RBFOX1: variants seen among roughly 807,000 people sequenced by gnomAD.
The protein encoded by RBFOX1 is RNA binding fox-1 homolog 1, also known as RNA binding protein fox-1 homolog 1.
In RBFOX1, 8 loss-of-function variants were observed where a neutral mutation model predicts 57.7. That is an observed-to-expected ratio of 0.14 (90% CI 0.08 to 0.25). The LOEUF (loss-of-function observed/expected upper bound fraction) is 0.25, where lower values mean the gene tolerates loss of function less well. Ranked by LOEUF, RBFOX1 falls within the 10% of genes least tolerant of loss-of-function variation. The pLI is 1.00. For missense variants in RBFOX1, 611 were observed against 548.5 expected, an observed-to-expected ratio of 1.11 and a Z score of -1.14; for synonymous variants, 326 against 222.4, an observed-to-expected ratio of 1.47 and a Z score of -4.15.
chr16:6,255,243 G>A (rs2097653227), intron 1 of RBFOX1, among the ~76,000 whole-genome samples: 1 of 152,142 alleles, frequency 6.6e-6, no homozygotes, highest in African/African-American at 2.4e-5. Flanking sequence ...ACACAATGAA[G>A]ACCAAGCCAC....
Position 5,327,328 on chromosome 16 carries a change from C to G in RBFOX1, c.219+87223C>G, listed in dbSNP as rs142829244. ...TCCCTGGAGAGAAGCCTTGGGGAAT[C>G]TGTGTAGCCCACAAACTTCCCTGGT... On this transcript the variant is annotated intron_variant, in intron 1 of 2. Coordinates refer to the RBFOX1 transcript ENST00000585867. 6.2e-3 allele frequency among the ~76,000 whole-genome samples: 948 copies of G among 152,282 alleles called. 6 individuals are homozygous for G. Among genetic ancestry groups the G allele is most frequent in the Middle Eastern group, 0.027 (8 of 294 alleles).
intron 3 of RBFOX1, among the ~76,000 whole-genome samples, chr16:7,033,090 C>T (rs190294037): frequency 4.6e-5 from 7 of 152,292 alleles, no homozygotes; most frequent in Admixed American, 2.6e-4. Flanking sequence ...CAACTCTCTC[C>T]TCTTGGGCTG....
At chr16:5,559,774 T>C (rs2045824795) in intron 2 of RBFOX1, among the ~76,000 whole-genome samples, 1 of 152,214 alleles carries the variant, frequency 6.6e-6, no homozygotes, top group African/African-American at 2.4e-5. Flanking sequence ...TCCCCTCATC[T>C]TGCTTTTAAC....
chr16:5,627,700 A>C (rs1021651191), intron 3 of RBFOX1, among the ~76,000 whole-genome samples: 2 of 152,228 alleles, frequency 1.3e-5, no homozygotes, highest in African/African-American at 4.8e-5. Flanking sequence ...AAAATAAAAG[A>C]AACAGTAAAA....
rs560118899 is a variant in RBFOX1, at chr16:7,401,048, G to A, written c.28-117099G>A. ...ATATATTGCCCGATGCAGCTGATTC[G>A]AGAGGGGGTATCCAAAATACAGTCC... On this transcript the variant is annotated intron_variant, in intron 4 of 15. Transcript: ENST00000550418. Among the ~76,000 whole-genome samples the A allele has an allele frequency of 7.2e-5, 11 of 152,228 alleles. 1 individual carries two copies. The highest frequency in any genetic ancestry group is 1.9e-4 in the East Asian group (1 of 5,194).
chr16:6,615,100 C>G (rs1048450097), intron 2 of RBFOX1, among the ~76,000 whole-genome samples: 1 of 152,116 alleles, frequency 6.6e-6, no homozygotes, highest in African/African-American at 2.4e-5. Flanking sequence ...AACAGTTGCA[C>G]CTTTGCTTAA....
At chr16:6,890,932 C>T (rs1189178761) in intron 3 of RBFOX1, among the ~76,000 whole-genome samples, 1 of 152,176 alleles carries the variant, frequency 6.6e-6, no homozygotes, top group Non-Finnish European at 1.5e-5. Flanking sequence ...CAGACTCTTG[C>T]TTGCTTGTGA....
intron 3 of RBFOX1, among the ~76,000 whole-genome samples, chr16:6,754,370 T>A (rs2075441845): frequency 6.6e-6 from 1 of 152,222 alleles, no homozygotes; most frequent in South Asian, 2.1e-4. Flanking sequence ...TAAATTGGAA[T>A]TAAATTTATT....
At chr16:6,550,424 C>T (rs901765289) in intron 2 of RBFOX1, among the ~76,000 whole-genome samples, 1 of 152,194 alleles carries the variant, frequency 6.6e-6, no homozygotes, top group African/African-American at 2.4e-5. Context: ...TTCGTGGCCT[C>T]AAGTGATCTG....
intron 2 of RBFOX1, among the ~76,000 whole-genome samples, chr16:6,616,946 C>T (rs1267710111): frequency 1.3e-5 from 2 of 152,204 alleles, no homozygotes; most frequent in African/African-American, 2.4e-5. Context: ...GGTTGGCTTC[C>T]TGCCACGACA....
chr16:5,889,712 T>C (rs2057999136), intron 4 of RBFOX1, among the ~76,000 whole-genome samples: 1 of 152,218 alleles, frequency 6.6e-6, no homozygotes, highest in South Asian at 2.1e-4. Context: ...TGGCAGCCCA[T>C]GCTAGAGGGA....
At chr16:5,902,687 A>T (rs1219005852) in intron 4 of RBFOX1, among the ~76,000 whole-genome samples, 1 of 152,160 alleles carries the variant, frequency 6.6e-6, no homozygotes, top group Non-Finnish European at 1.5e-5. Context: ...AAGTCCTGGG[A>T]TTACAAGCAT....
intron 1 of RBFOX1, among the ~76,000 whole-genome samples, chr16:5,370,282 C>T (rs1044969743): frequency 9.2e-5 from 14 of 151,934 alleles, no homozygotes; most frequent in Admixed American, 8.5e-4. Context: ...CAGACAAGCC[C>T]CCAAGCGTGA....
chr16:5,973,298 A>G (rs984352206), intron 4 of RBFOX1, among the ~76,000 whole-genome samples: 18 of 152,216 alleles, frequency 1.2e-4, no homozygotes, highest in African/African-American at 4.1e-4. Context: ...TATGTCTTTG[A>G]TGGTTAGGAG....
chr16:6,682,774 A>G (rs988554973), intron 3 of RBFOX1, among the ~76,000 whole-genome samples: 1 of 151,670 alleles, frequency 6.6e-6, no homozygotes, highest in Non-Finnish European at 1.5e-5. Flanking sequence ...AAAATATTTC[A>G]GGGTGAAATT....
chr16:7,207,329 G>C (rs181413610), intron 4 of RBFOX1, among the ~76,000 whole-genome samples: 1 of 152,250 alleles, frequency 6.6e-6, no homozygotes, highest in East Asian at 1.9e-4. Context: ...TGACCAGATG[G>C]AACATGATTT....
At chr16:6,061,974 T>C (rs568730528) in intron 1 of RBFOX1, among the ~76,000 whole-genome samples, 44 of 152,084 alleles carry the variant, frequency 2.9e-4, no homozygotes, top group Non-Finnish European at 4.9e-4. Flanking sequence ...GAAGGACTGG[T>C]TAGGATTCCC....
intron 1 of RBFOX1, among the ~76,000 whole-genome samples, chr16:5,460,278 G>A (rs1413983774): frequency 1.3e-5 from 2 of 152,120 alleles, no homozygotes; most frequent in Admixed American, 6.5e-5. Flanking sequence ...TTACTTCTCT[G>A]TTTTCATGAT....
chr16:6,912,640 A>C (rs957029547), intron 3 of RBFOX1, among the ~76,000 whole-genome samples: 1 of 147,564 alleles, frequency 6.8e-6, no homozygotes, highest in East Asian at 2.0e-4. Flanking sequence ...TTTTTTTGCA[A>C]GGTCTCACTG....
Sources: allele counts gnomAD v4.1 joint callset (sites outside exome capture counted in the v4.1 genomes callset), GRCh38; gene constraint gnomAD v4.1.1; transcripts MANE v1.5; gene names NCBI Gene and HGNC (gene_info 2026-07-23, HGNC 2026-07-21).